The following NLGN4X variants were observed in gnomAD, a reference collection of about 807,000 sequenced individuals.
NLGN4X encodes neuroligin 4 X-linked.
In NLGN4X, 3 loss-of-function variants were observed where a neutral mutation model predicts 40.3. The ratio of observed to expected loss-of-function variants is 0.07; its 90% CI spans 0.03 to 0.19. NLGN4X has a LOEUF of 0.19. Ranked by LOEUF, NLGN4X falls within the 10% of genes least tolerant of loss-of-function variation. The probability of loss-of-function intolerance (pLI) is 1.00; values close to 1 mark genes in which losing one functional copy is unlikely to be tolerated. For synonymous variants in NLGN4X, 270 were observed against 306.8 expected (o/e 0.88, Z 1.25); for missense variants, 382 against 708.3 (o/e 0.54, Z 5.23).
chrX:6,183,461 T>TG (rs1393379942), intron 1 of NLGN4X, among the ~76,000 whole-genome samples: 3 of 109,824 alleles, frequency 2.7e-5, no homozygotes, highest in Middle Eastern at 4.2e-3. Flanking sequence ...GCAGGAGATA[T>TG]GCATGAACAC....
At chrX:6,070,812 A>G (rs1176708935) in intron 2 of NLGN4X, among the ~76,000 whole-genome samples, 1 of 111,588 alleles carries the variant, frequency 9.0e-6, no homozygotes, top group African/African-American at 3.3e-5. Flanking sequence ...GGGAAGAGAG[A>G]GAAGAATGTG....
intron 3 of NLGN4X, among the ~76,000 whole-genome samples, chrX:5,945,897 C>T (rs1040464834): frequency 6.3e-5 from 7 of 111,360 alleles, no homozygotes; most frequent in East Asian, 2.8e-4. Context: ...GCATGATATT[C>T]GCCTCTTTGC....
In NLGN4X at chrX:5,925,858, A is replaced by G. The variant is rs1216909400; in HGVS notation, c.626-16619T>C. On this transcript the variant is annotated intron_variant, in intron 3 of 5. Transcript: ENST00000381095. ...TATATATATATACATACACATATAT[A>G]TATATATATATATACATACACACAT... 1.0e-4 allele frequency among the ~76,000 whole-genome samples: 6 copies of G among 59,295 alleles called. 1 individual carries two copies. The East Asian group carries it at 1.9e-3, about 19-fold the overall frequency. 51.5% of individuals were successfully genotyped at this position (59,295 alleles called of 115,157 possible). A position where few individuals can be genotyped will look rare whatever the true frequency, so the allele number is the denominator to read the frequency against.
intron 1 of NLGN4X, among the ~76,000 whole-genome samples, chrX:6,160,423 G>A (rs1371302015): frequency 9.0e-6 from 1 of 111,554 alleles, no homozygotes; most frequent in Non-Finnish European, 1.9e-5. Context: ...AGAATTCACT[G>A]TACTAATTGT....
At chrX:6,165,919 A>G (rs746828644) in intron 1 of NLGN4X, among the ~76,000 whole-genome samples, 1 of 111,594 alleles carries the variant, frequency 9.0e-6, no homozygotes, top group South Asian at 3.8e-4. Flanking sequence ...ATATGTAATA[A>G]TCACATCATG....
intron 2 of NLGN4X, among the ~76,000 whole-genome samples, chrX:6,041,582 G>A (rs1163525696): frequency 8.9e-6 from 1 of 111,822 alleles, no homozygotes; most frequent in African/African-American, 3.2e-5. Flanking sequence ...ATGAACTTGG[G>A]TTCCTCAATT....
Position 6,151,285 on chromosome X carries a change from G to C in NLGN4X, c.182C>G (p.Pro61Arg). 8.3e-7 allele frequency: 1 copy of C among 1,211,724 alleles called. No individual in the cohort carries two copies. The highest frequency in any genetic ancestry group is 1.1e-6 in the Non-Finnish European group (1 of 895,504). ...TGGACCCAAGATCTCATTGGGTAAC[G>C]GTGTTCTTAGGCCCCGGATTTTGCC... ...NYGKIRGLRTPLPNEILGPVE... is the reference protein window; with the variant it reads ...NYGKIRGLRTRLPNEILGPVE... Residue 61 changes from proline (P) to arginine (R), a missense_variant, in exon 2 of 6, where the codon CCG becomes CGG. Physicochemically the swap from Pro to Arg is moderately radical, Grantham distance 103. Around this residue, in one of 5 missense-constraint regions of NLGN4X, gnomAD observed 115 missense variants for 149.6 expected, o/e 0.77. Transcript: ENST00000381095.
intron 2 of NLGN4X, among the ~76,000 whole-genome samples, chrX:6,029,649 C>T (rs1297041683): frequency 9.3e-6 from 1 of 107,527 alleles, no homozygotes; most frequent in African/African-American, 3.3e-5. Context: ...AAGAAGCATA[C>T]AGACATTTAG....
chrX:5,960,725 G>A (rs2034632634), intron 3 of NLGN4X, among the ~76,000 whole-genome samples: 1 of 111,379 alleles, frequency 9.0e-6, no homozygotes, highest in Non-Finnish European at 1.9e-5. Context: ...CGGCACATGA[G>A]AGGAAGAAGT....
rs111863300 is a variant in NLGN4X, at chrX:5,965,863, T to C, written c.626-56624A>G. Among the ~76,000 whole-genome samples the C allele has an allele frequency of 9.1e-3, 1,016 of 112,103 alleles. 10 individuals carry two copies. Among genetic ancestry groups the C allele is most frequent in the African/African-American group, 0.032 (980 of 30,908 alleles). On this transcript the variant is annotated intron_variant, in intron 3 of 5. Transcript: ENST00000381095. ...ATATAAGTGGTTGGATATGTTCAACTTGAATGAGAGGAAAGTTTCTTTATG... is the reference window on the plus strand; with the variant it reads ...ATATAAGTGGTTGGATATGTTCAACCTGAATGAGAGGAAAGTTTCTTTATG...
At chrX:5,912,883 G>T (rs1355225083) in intron 3 of NLGN4X, among the ~76,000 whole-genome samples, 2 of 75,157 alleles carry the variant, frequency 2.7e-5, no homozygotes, top group African/African-American at 4.9e-5. Context: ...GAGGAAGGAA[G>T]GAAGGAAGGA....
chrX:6,132,316 C>T (rs1392340146), intron 2 of NLGN4X, among the ~76,000 whole-genome samples: 1 of 111,537 alleles, frequency 9.0e-6, no homozygotes, highest in African/African-American at 3.3e-5. Context: ...TATCTCCAGA[C>T]ATTGCTGACA....
At chrX:6,055,233 A>T (rs780572813) in intron 2 of NLGN4X, among the ~76,000 whole-genome samples, 123 of 112,191 alleles carry the variant, frequency 1.1e-3, no homozygotes, top group Non-Finnish European at 2.0e-3. Context: ...GGTGGCTCAC[A>T]CTTCTAATCC....
At chrX:5,911,080 C>T (rs373820992) in intron 3 of NLGN4X, among the ~76,000 whole-genome samples, 1 of 111,616 alleles carries the variant, frequency 9.0e-6, no homozygotes, top group African/African-American at 3.3e-5. Flanking sequence ...GAGAAAAGAT[C>T]GAAGATCCTT....
intron 3 of NLGN4X, among the ~76,000 whole-genome samples, chrX:5,946,673 G>C (rs2034132310): frequency 9.0e-6 from 1 of 111,593 alleles, no homozygotes; most frequent in African/African-American, 3.3e-5. Flanking sequence ...AGTGGATACT[G>C]GCATTCTTTA....
At position 5,929,519 on chromosome X, in the gene NLGN4X, T is replaced by G. The variant is rs191674752; in HGVS notation, c.626-20280A>C. Among the ~76,000 whole-genome samples the G allele has an allele frequency of 1.8e-3, 201 of 111,528 alleles. 1 individual carries two copies. The highest frequency in any genetic ancestry group is 4.5e-3 in the African/African-American group (139 of 30,774). ...ATCTTATAAAATATATATGTGTATA[T>G]GTATATACATATATATACACACCTA... is the stretch of plus-strand genomic sequence containing the variant. On this transcript the variant is annotated intron_variant, in intron 3 of 5. Coordinates refer to ENST00000381095, the MANE Select transcript of NLGN4X (RefSeq NM_181332.3).
At chrX:6,224,622 T>A (rs1029590662) in intron 1 of NLGN4X, among the ~76,000 whole-genome samples, 4 of 111,436 alleles carry the variant, frequency 3.6e-5, no homozygotes, top group African/African-American at 1.3e-4. Context: ...CTTCATTATC[T>A]ACCTTATGCA....
rs756979274 is a variant in NLGN4X at position 5,983,632 on chromosome X, G to A, written c.625+45648C>T. Among the ~76,000 whole-genome samples, 530 of 111,547 alleles carry A rather than the reference G, an allele frequency of 4.8e-3. 2 individuals carry two copies. The highest frequency in any genetic ancestry group is 8.0e-3 in the Non-Finnish European group (425 of 53,128). On this transcript the variant is annotated intron_variant, in intron 3 of 5. Transcript: ENST00000381095. ...GAGAAGAAACGATCCAGAGAGTATC[G>A]TGGAAATCTGAAAAAAGCTGGGAAA...
At chrX:5,988,251 C>T (rs1746603944) in intron 3 of NLGN4X, among the ~76,000 whole-genome samples, 1 of 111,946 alleles carries the variant, frequency 8.9e-6, no homozygotes, top group Non-Finnish European at 1.9e-5. Flanking sequence ...CCATCACAGG[C>T]CCATCCTCAG....
Sources: allele counts gnomAD v4.1 joint callset (sites outside exome capture counted in the v4.1 genomes callset), GRCh38; gene constraint gnomAD v4.1.1; regional missense constraint gnomAD v4.1.1; transcripts MANE v1.5; gene names NCBI Gene and HGNC (gene_info 2026-07-23, HGNC 2026-07-21).